Variants in ACTR3C observed in about 807,000 individuals in gnomAD.
The protein encoded by ACTR3C is actin-related protein 3C.
ACTR3C carries 18 observed loss-of-function variants against 26.3 expected under a neutral mutation model. The ratio of observed to expected loss-of-function variants is 0.68; its 90% confidence interval spans 0.47 to 1.01. The LOEUF is 1.01. Ranked by LOEUF, ACTR3C falls within the 50% of genes least tolerant of loss-of-function variation. The pLI, the probability that ACTR3C is intolerant of heterozygous loss-of-function variation, is 0.00. For synonymous variants in ACTR3C, 55 were observed against 94.5 expected (o/e 0.58, Z 2.42); for missense variants, 184 against 250.7 (o/e 0.73, Z 1.80).
chr7:150,206,721 G>A, the ACTR3C span, among the ~76,000 whole-genome samples: 1,776 of 152,194 alleles, frequency 0.012, 43 homozygotes, highest in African/African-American at 0.04. Flanking sequence ...CGCACCAGGC[G>A]GGTAGAGTCT....
intron 6 of ACTR3C, among the ~76,000 whole-genome samples, chr7:150,250,370 A>AT (rs1229969008): frequency 1.3e-5 from 2 of 151,424 alleles, no homozygotes; most frequent in Non-Finnish European, 2.9e-5. Flanking sequence ...CACCCGGCTA[A>AT]TTTTTTGTAT....
chr7:149,905,609 T>C, the ACTR3C span, among the ~76,000 whole-genome samples: 3 of 150,980 alleles, frequency 2.0e-5, no homozygotes, highest in Admixed American at 2.0e-4. Context: ...AAAATTCATA[T>C]TTAACCTCTA....
chr7:149,956,683 G>A, the ACTR3C span, among the ~76,000 whole-genome samples: 1 of 151,602 alleles, frequency 6.6e-6, no homozygotes, highest in African/African-American at 2.4e-5. Context: ...CATAAATATG[G>A]AGCTCTCTGG....
the ACTR3C span, among the ~76,000 whole-genome samples, chr7:150,127,369 A>G: frequency 0.18 from 27,612 of 151,824 alleles, 2,741 homozygotes; most frequent in Non-Finnish European, 0.23. Context: ...TCTTGCCCAC[A>G]GGACCTCCAC....
At chr7:149,917,788 A>G in the ACTR3C span, among the ~76,000 whole-genome samples, 2 of 152,014 alleles carry the variant, frequency 1.3e-5, no homozygotes, top group South Asian at 2.1e-4. Flanking sequence ...GGTGCACGAC[A>G]CCATGCCTGG....
At chr7:149,931,958 C>T in the ACTR3C span, among the ~76,000 whole-genome samples, 1 of 152,158 alleles carries the variant, frequency 6.6e-6, no homozygotes, top group Non-Finnish European at 1.5e-5. Context: ...TACCCAGTTT[C>T]CTTTAAAAGT....
the ACTR3C span, among the ~76,000 whole-genome samples, chr7:150,166,819 C>G: frequency 6.6e-6 from 1 of 150,642 alleles, no homozygotes; most frequent in Non-Finnish European, 1.5e-5. Context: ...CAACACCTTT[C>G]CCAGCCTCTG....
At chr7:149,975,375 T>G in the ACTR3C span, among the ~76,000 whole-genome samples, 1 of 151,920 alleles carries the variant, frequency 6.6e-6, no homozygotes, top group Admixed American at 6.6e-5. Flanking sequence ...CCACACAACA[T>G]AGCAGAACTT....
At chr7:150,147,513 C>T in the ACTR3C span, among the ~76,000 whole-genome samples, 14 of 152,114 alleles carry the variant, frequency 9.2e-5, no homozygotes, top group Admixed American at 4.6e-4. Flanking sequence ...TACAGTTCAG[C>T]GGTAATAAAT....
chr7:150,034,772 GC>G, the ACTR3C span, among the ~76,000 whole-genome samples: 1 of 151,116 alleles, frequency 6.6e-6, no homozygotes, highest in South Asian at 2.1e-4. Context: ...GGGGCCCTAA[GC>G]CAGGGGGGGA....
the ACTR3C span, among the ~76,000 whole-genome samples, chr7:150,070,782 TTTTTCTTTTTTC>T: frequency 6.7e-6 from 1 of 149,270 alleles, no homozygotes; most frequent in Non-Finnish European, 1.5e-5. Context: ...TAAGGCAATT[TTTTTCTTTTTTC>T]TTTTCTTTTT....
the ACTR3C span, among the ~76,000 whole-genome samples, chr7:150,129,355 TC>T: frequency 6.6e-6 from 1 of 152,174 alleles, no homozygotes; most frequent in Non-Finnish European, 1.5e-5. Context: ...CCCTCACACT[TC>T]TAGTCATCAT....
At chr7:150,239,639 TC>T (rs886253202), downstream of ACTR3C, among the ~76,000 whole-genome samples, 3 of 148,170 alleles carry the variant, frequency 2.0e-5, no homozygotes, top group South Asian at 4.2e-4. Flanking sequence ...TCATTGAGGC[TC>T]TTTTTATTGA....
At chr7:150,151,701 A>G in the ACTR3C span, among the ~76,000 whole-genome samples, 1,237 of 107,488 alleles carry the variant, frequency 0.012, 76 homozygotes, top group African/African-American at 0.036. Flanking sequence ...ACACATGGAC[A>G]CAGGAAGGGG....
At position 150,248,949 on chromosome 7, in the gene ACTR3C, T is replaced by A; in HGVS notation, c.*37A>T. The A allele has an allele frequency of 1.8e-6, 1 of 559,348 alleles. No homozygotes were observed. The highest frequency in any genetic ancestry group is 2.3e-5 in the South Asian group (1 of 44,104). The allele number at this position is 559,348 out of a possible 1,614,324, so 34.6% of individuals were successfully genotyped here. ...TAAAAATGAAAATCATGAGAATACC[T>A]CAAATAAAAGGCTACGCATGGGCTC... On this transcript the variant is annotated splice_region_variant and 3_prime_UTR_variant, in exon 7 of 8. Coordinates refer to ENST00000683684, the MANE Select transcript of ACTR3C (RefSeq NM_001164458.2).
chr7:150,082,940 TTTTTTTC>T, the ACTR3C span, among the ~76,000 whole-genome samples: 1 of 97,696 alleles, frequency 1.0e-5, no homozygotes, highest in African/African-American at 4.5e-5. Flanking sequence ...TTTTCTTTTT[TTTTTTTC>T]TTTTTTTTTT....
the ACTR3C span, among the ~76,000 whole-genome samples, chr7:149,944,248 T>C: frequency 1.3e-5 from 2 of 152,160 alleles, no homozygotes; most frequent in East Asian, 3.9e-4. Context: ...CCCTTATTCT[T>C]ATAGATGAGG....
chr7:149,887,887 T>C, the ACTR3C span, among the ~76,000 whole-genome samples: 58,374 of 152,142 alleles, frequency 0.38, 12,242 homozygotes, highest in East Asian at 0.61. Context: ...GGATTTCTGC[T>C]TTTGCTTCTT....
At chr7:149,942,054 C>T in the ACTR3C span, among the ~76,000 whole-genome samples, 20 of 152,236 alleles carry the variant, frequency 1.3e-4, no homozygotes, top group African/African-American at 4.3e-4. Context: ...CTGAGCCACA[C>T]AGGCTCTCAC....
Sources: allele counts gnomAD v4.1 joint callset (sites outside exome capture counted in the v4.1 genomes callset), GRCh38; gene constraint gnomAD v4.1.1; transcripts MANE v1.5; gene names NCBI Gene and HGNC (gene_info 2026-07-23, HGNC 2026-07-21).